PTPRD: variants seen among roughly 807,000 people sequenced by gnomAD.
PTPRD encodes protein tyrosine phosphatase receptor type D, also known as receptor-type tyrosine-protein phosphatase delta.
PTPRD carries 34 observed loss-of-function variants against 214.5 expected under a neutral mutation model. That is an observed-to-expected ratio of 0.16 (90% CI 0.12 to 0.21). The LOEUF (loss-of-function observed/expected upper bound fraction) is 0.21. Among genes scored for constraint, PTPRD ranks in the 10% least tolerant of loss-of-function variants. The probability of loss-of-function intolerance (pLI) is 1.00; values close to 1 mark genes in which losing one functional copy is unlikely to be tolerated. For synonymous variants in PTPRD, 1,128 were observed against 845.7 expected (o/e 1.33, Z -5.79); for missense variants, 2,545 against 2,398.7 (o/e 1.06, Z -1.27).
Position 9,313,540 on chromosome 9 carries a change from C to T in PTPRD, c.-203+83909G>A, listed in dbSNP as rs1324998525. On this transcript the variant is annotated intron_variant, in intron 9 of 45. Coordinates refer to ENST00000381196, the MANE Select transcript of PTPRD (RefSeq NM_002839.4). ...AATGATGAAATCTAGCCTCTGTTTA[C>T]TTCTTCTTATACCAGTGTTAGAGTG... 3.3e-5 allele frequency among the ~76,000 whole-genome samples: 5 copies of T among 152,160 alleles called. No homozygotes were observed. In the East Asian group the frequency reaches 7.7e-4, roughly 23 times the overall value.
chr9:9,302,601 C>CTTTTTTTTTTTTTTTTTTTTT (rs3047853), intron 9 of PTPRD, among the ~76,000 whole-genome samples: 10 of 111,888 alleles, frequency 8.9e-5, no homozygotes, highest in South Asian at 3.0e-4. Context: ...TTTTTTTTTT[C>CTTTTTTTTTTTTTTTTTTTTT]TTTTTTTTTT....
At chr9:9,501,034 T>C (rs1254461125) in intron 8 of PTPRD, among the ~76,000 whole-genome samples, 1 of 151,684 alleles carries the variant, frequency 6.6e-6, no homozygotes. Context: ...GGAAATAAAA[T>C]GTATTACTAA....
At position 9,692,430 on chromosome 9, in the gene PTPRD, C is replaced by T. The variant is rs375314737; in HGVS notation, c.-287+42103G>A. ...CTTGGCACCTTTGTCAAAAATGAGC[C>T]CACTGTAGGTGTGTGGATTTGTTTC... On this transcript the variant is annotated intron_variant, in intron 7 of 45. Coordinates refer to ENST00000381196, the MANE Select transcript of PTPRD (RefSeq NM_002839.4). 5.7e-4 allele frequency among the ~76,000 whole-genome samples: 86 copies of T among 151,870 alleles called. 1 individual carries two copies. In the South Asian group the frequency reaches 0.014, roughly 25 times the overall value.
intron 2 of PTPRD, among the ~76,000 whole-genome samples, chr9:10,421,248 A>C (rs1260757079): frequency 6.6e-6 from 1 of 151,838 alleles, no homozygotes. Flanking sequence ...AGCTAGGTGC[A>C]CATGCCACTT....
At chr9:8,382,216 C>T (rs956673478) in intron 37 of PTPRD, among the ~76,000 whole-genome samples, 1 of 152,178 alleles carries the variant, frequency 6.6e-6, no homozygotes, top group South Asian at 2.1e-4. Flanking sequence ...TGGGTATTTA[C>T]CAGTTGAACA....
chr9:8,389,384 T>C lies in PTPRD; in HGVS notation c.4234A>G (p.Asn1412Asp), dbSNP rs375807121. The part of the protein sequence containing the change: ...IEGIPGSDYV[N>D]ANYIDGYRKQ... ...CTATACCCATCTATGTAGTTGGCAT[T>C]CACATAGTCACTTCCTGGGATCCCT... The change falls in exon 37 of 46, where the codon AAT (asparagine) becomes GAT (aspartate). Residue 1412 changes from asparagine to aspartate, a missense_variant. Transcript: ENST00000381196. The C allele has an allele frequency of 7.5e-6, 12 of 1,609,824 alleles. No individual in the cohort carries two copies. The highest frequency in any genetic ancestry group is 9.3e-6 in the Non-Finnish European group (11 of 1,178,102).
In PTPRD at chr9:9,004,920, G is replaced by C. The variant is rs1429481387; in HGVS notation, c.-104+13777C>G. 2.0e-5 allele frequency among the ~76,000 whole-genome samples: 3 copies of C among 152,072 alleles called. No homozygotes were observed. The East Asian group carries it at 5.8e-4, about 29-fold the overall frequency. ...AGTGTAAGTTTTGTTCAATTGACCA[G>C]GGCACGGGGAAGCCAAAAATGAGCT... On this transcript the variant is annotated intron_variant, in intron 11 of 45. Coordinates refer to ENST00000381196, the MANE Select transcript of PTPRD (RefSeq NM_002839.4).
chr9:8,485,897 GAAC>G lies in PTPRD; in HGVS notation c.2917_2919del (p.Val973del). 6.2e-7 allele frequency: 1 copy of G among 1,614,136 alleles called. No homozygotes were observed. The highest frequency in any genetic ancestry group is 2.2e-5 in the East Asian group (1 of 44,860). The stretch of plus-strand genomic sequence containing the variant: ...GTGAGTGTCATAGTGGTGTCAGCTG[GAAC>G]AATAAGCTGCTCCATCGGGAGAAGG... On this transcript the variant is annotated inframe_deletion, in exon 28 of 46. Coordinates refer to ENST00000381196, the MANE Select transcript of PTPRD (RefSeq NM_002839.4).
chr9:10,454,397 T>A (rs2098888130), intron 2 of PTPRD, among the ~76,000 whole-genome samples: 1 of 148,070 alleles, frequency 6.8e-6, no homozygotes, highest in South Asian at 2.1e-4. Flanking sequence ...TTGAGCCAAA[T>A]ACATTCCTCA....
At chr9:8,417,564 T>C (rs887107847) in intron 35 of PTPRD, among the ~76,000 whole-genome samples, 2 of 152,316 alleles carry the variant, frequency 1.3e-5, no homozygotes, top group Admixed American at 1.3e-4. Flanking sequence ...TGAAAGCTTG[T>C]CTTCAATAAA....
At chr9:10,059,080 A>T (rs2097709793) in intron 3 of PTPRD, among the ~76,000 whole-genome samples, 1 of 152,124 alleles carries the variant, frequency 6.6e-6, no homozygotes, top group South Asian at 2.1e-4. Flanking sequence ...TGGATCAGTG[A>T]GAATGTGTAG....
chr9:9,054,000 G>A (rs1391196910), intron 10 of PTPRD, among the ~76,000 whole-genome samples: 2 of 152,206 alleles, frequency 1.3e-5, no homozygotes, highest in East Asian at 3.9e-4. Context: ...AGTGAGAAAG[G>A]AGACAATTTT....
At chr9:9,253,247 C>T (rs568257826) in intron 9 of PTPRD, among the ~76,000 whole-genome samples, 1 of 151,894 alleles carries the variant, frequency 6.6e-6, no homozygotes, top group African/African-American at 2.4e-5. Context: ...ATTTTTTTGG[C>T]TAAAAATCTA....
At chr9:9,560,538 C>T (rs1412359933) in intron 8 of PTPRD, among the ~76,000 whole-genome samples, 1 of 152,198 alleles carries the variant, frequency 6.6e-6, no homozygotes, top group Non-Finnish European at 1.5e-5. Context: ...CTCATCCAAG[C>T]AGCACCACTG....
intron 3 of PTPRD, among the ~76,000 whole-genome samples, chr9:10,198,099 T>C (rs1327081017): frequency 6.6e-6 from 1 of 152,162 alleles, no homozygotes. Context: ...TTTCTTCTAA[T>C]ACATATCTAA....
At chr9:8,592,969 TAAATAA>T (rs1327031602) in intron 14 of PTPRD, among the ~76,000 whole-genome samples, 1 of 152,032 alleles carries the variant, frequency 6.6e-6, no homozygotes, top group Non-Finnish European at 1.5e-5. Flanking sequence ...CCAACAGACA[TAAATAA>T]GGGCAGTACA....
chr9:8,478,584 CTA>C (rs2096815373), intron 30 of PTPRD, among the ~76,000 whole-genome samples: 1 of 152,098 alleles, frequency 6.6e-6, no homozygotes, highest in Non-Finnish European at 1.5e-5. Context: ...CAGAAGTTCC[CTA>C]TGTCATTACA....
chr9:10,316,234 T>C (rs1289608307), intron 3 of PTPRD, among the ~76,000 whole-genome samples: 1 of 150,530 alleles, frequency 6.6e-6, no homozygotes, highest in African/African-American at 2.4e-5. Flanking sequence ...CTGTGCACTA[T>C]TATACAAAAT....
chr9:10,050,990 T>A (rs2097526335), intron 3 of PTPRD, among the ~76,000 whole-genome samples: 1 of 152,124 alleles, frequency 6.6e-6, no homozygotes, highest in Non-Finnish European at 1.5e-5. Context: ...CTAAATAGTG[T>A]AAAATATATA....
Sources: allele counts gnomAD v4.1 joint callset (sites outside exome capture counted in the v4.1 genomes callset), GRCh38; gene constraint gnomAD v4.1.1; transcripts MANE v1.5; gene names NCBI Gene and HGNC (gene_info 2026-07-23, HGNC 2026-07-21).